The following ERMP1 variants were observed in gnomAD, a reference collection of about 807,000 sequenced individuals.
The protein encoded by ERMP1 is endoplasmic reticulum metallopeptidase 1, also known as Felix-ina.
ERMP1 carries 86 observed loss-of-function variants against 92.0 expected under a neutral mutation model. The observed-to-expected ratio is 0.93, with a 90% CI of 0.79 to 1.12. The LOEUF is 1.12. ERMP1 is among the 50% of genes most tolerant of loss of function. The pLI, the probability that ERMP1 is intolerant of heterozygous loss-of-function variation, is 0.00. For synonymous variants in ERMP1, 530 were observed against 412.8 expected, an observed-to-expected ratio of 1.28 and a Z score of -3.44; for missense variants, 1,342 against 1,116.3, an observed-to-expected ratio of 1.20 and a Z score of -2.88.
At chr9:5,800,540 G>C (rs1480903058) in intron 11 of ERMP1, among the ~76,000 whole-genome samples, 3 of 152,260 alleles carry the variant, frequency 2.0e-5, no homozygotes, top group Admixed American at 6.5e-5. Flanking sequence ...GCCAGGCGTG[G>C]TGGCGAGCGC....
At chr9:5,833,165 C>CTCTGCA, upstream of ERMP1, 1 of 778,680 alleles carries the variant, frequency 1.3e-6, no homozygotes, top group Non-Finnish European at 1.9e-6. Context: ...CTGATTGGCC[C>CTCTGCA]GTCCCGCCGC....
chr9:5,814,397 G>A (rs1476629828), intron 4 of ERMP1, among the ~76,000 whole-genome samples: 1 of 152,136 alleles, frequency 6.6e-6, no homozygotes, highest in Non-Finnish European at 1.5e-5. Flanking sequence ...GGGAATCTAA[G>A]AATATTGTTT....
In ERMP1 at chr9:5,812,918, C is replaced by A. The variant is rs771593182; in HGVS notation, c.992G>T (p.Arg331Leu). The A allele has an allele frequency of 1.9e-6, 3 of 1,613,908 alleles. No individual in the cohort carries two copies. Among genetic ancestry groups the A allele is most frequent in the Admixed American group, 3.3e-5 (2 of 60,016 alleles). ...AATGTTCCCAAAATCCCTGTAGATA[C>A]GAAAGTCAGTATCTGAAGGAATGAT... The part of the protein sequence containing the change: ...SGIIPSDTDF[R>L]IYRDFGNIPG... The change falls in exon 5 of 15, where the codon CGT (arginine) becomes CTT (leucine). Residue 331 changes from arginine (R) to leucine (L), a missense_variant. Arg to Leu is a moderately radical substitution (Grantham distance 102). Transcript: ENST00000339450.
At chr9:5,835,364 G>T (rs537914771), upstream of ERMP1, among the ~76,000 whole-genome samples, 3 of 152,104 alleles carry the variant, frequency 2.0e-5, no homozygotes, top group East Asian at 5.8e-4. Context: ...GCGCGCGCAT[G>T]TGTGTGTGTG....
chr9:5,825,884 TA>T (rs1169255997), intron 2 of ERMP1, among the ~76,000 whole-genome samples: 1 of 152,216 alleles, frequency 6.6e-6, no homozygotes, highest in African/African-American at 2.4e-5. Context: ...GTATGTTAAT[TA>T]AAAGTAACTA....
chr9:5,805,736 A>G lies in ERMP1; in HGVS notation c.1598T>C (p.Phe533Ser). The G allele has an allele frequency of 6.2e-7, 1 of 1,611,962 alleles. No individual in the cohort carries two copies. Among genetic ancestry groups the G allele is most frequent in the Non-Finnish European group, 8.5e-7 (1 of 1,179,356 alleles). The change falls in exon 9 of 15, where the codon TTT (phenylalanine) becomes TCT (serine). Residue 533 changes from phenylalanine to serine, a missense_variant. Transcript: ENST00000339450. ...LGEVFFDISL[F>S]VHCCFLVTLT... ...GGTAACAAGAAAACAGCAATGGACA[A>G]ACAGCGAAATGTCAAAAAATACTTC...
chr9:5,857,385 G>A (rs763746220), intron 6 of ERMP1, among the ~76,000 whole-genome samples: 2 of 152,172 alleles, frequency 1.3e-5, no homozygotes, highest in Admixed American at 1.3e-4. Context: ...TGTTTGCCTC[G>A]GCTGGGCACG....
intron 10 of ERMP1, among the ~76,000 whole-genome samples, chr9:5,803,849 C>G (rs754569620): frequency 2.6e-5 from 4 of 152,026 alleles, no homozygotes; most frequent in Non-Finnish European, 5.9e-5. Flanking sequence ...AATAATTATC[C>G]TATAAGTAAA....
chr9:5,823,020 C>G (rs1334597097), intron 4 of ERMP1, among the ~76,000 whole-genome samples: 1 of 152,190 alleles, frequency 6.6e-6, no homozygotes, highest in Non-Finnish European at 1.5e-5. Context: ...CATGGTGGTT[C>G]ATGCTTGTAA....
chr9:5,801,288 A>G lies in ERMP1; in HGVS notation c.1955T>C (p.Met652Thr), dbSNP rs756970090. 6.8e-6 allele frequency: 11 copies of G among 1,613,430 alleles called. No homozygotes were observed. The highest frequency in any genetic ancestry group is 9.3e-6 in the Non-Finnish European group (11 of 1,179,772). The change falls in exon 11 of 15, where the codon ATG (methionine) becomes ACG (threonine). Residue 652 changes from methionine (M) to threonine (T), a missense_variant. Transcript: ENST00000339450. ...IYLAKSTKKT[M>T]LTLTLVCAIT... ...TGCACATACCAAAGTTAAAGTTAGC[A>G]TGGTTTTTTTTGTGCTCTTGGCAAG...
intron 13 of ERMP1, among the ~76,000 whole-genome samples, chr9:5,794,083 C>T (rs1181039215): frequency 6.6e-6 from 1 of 152,036 alleles, no homozygotes; most frequent in Admixed American, 6.5e-5. Context: ...AGAATTCATA[C>T]AAAGTATGCT....
upstream of ERMP1, among the ~76,000 whole-genome samples, chr9:5,837,724 C>A (rs368292353): frequency 1.3e-5 from 2 of 152,278 alleles, no homozygotes; most frequent in East Asian, 3.9e-4. Flanking sequence ...AAAATATCAA[C>A]GCCTCAATAG....
At chr9:5,842,434 CA>C (rs57411750) in intron 6 of ERMP1, among the ~76,000 whole-genome samples, 61,781 of 107,580 alleles carry the variant, frequency 0.57, 14,372 homozygotes, top group South Asian at 0.63. Context: ...GAGACTGTCT[CA>C]AAAAAAAAAA....
At chr9:5,860,532 AATGGCAAGTGACAT>A (rs1476525050) in intron 5 of ERMP1, among the ~76,000 whole-genome samples, 2 of 152,116 alleles carry the variant, frequency 1.3e-5, no homozygotes, top group Non-Finnish European at 2.9e-5. Flanking sequence ...TAACGTAACC[AATGGCAAGTGACAT>A]ACTACATGTT....
chr9:5,798,463 G>A (rs970625506), intron 12 of ERMP1, among the ~76,000 whole-genome samples: 4 of 151,934 alleles, frequency 2.6e-5, no homozygotes, highest in African/African-American at 4.8e-5. Flanking sequence ...TGATCCACCC[G>A]CCTCGGCCTC....
At chr9:5,865,316 A>C (rs1404376468) in intron 5 of ERMP1, among the ~76,000 whole-genome samples, 1 of 150,510 alleles carries the variant, frequency 6.6e-6, no homozygotes, top group Non-Finnish European at 1.5e-5. Flanking sequence ...ACCATCCTGG[A>C]TTAACACGGT....
intron 4 of ERMP1, among the ~76,000 whole-genome samples, chr9:5,818,305 CA>C (rs1240809158): frequency 6.6e-6 from 1 of 151,944 alleles, no homozygotes; most frequent in African/African-American, 2.4e-5. Context: ...GGTATGTCTG[CA>C]TGCAAATGGA....
chr9:5,802,039 C>T (rs547697779), intron 10 of ERMP1, among the ~76,000 whole-genome samples: 5 of 152,314 alleles, frequency 3.3e-5, no homozygotes, highest in African/African-American at 9.6e-5. Flanking sequence ...AGATCCCTTA[C>T]AGGGTCTGAA....
At chr9:5,825,741 T>A (rs910246787) in intron 2 of ERMP1, among the ~76,000 whole-genome samples, 2 of 152,100 alleles carry the variant, frequency 1.3e-5, no homozygotes, top group Non-Finnish European at 2.9e-5. Context: ...GGGGATTATG[T>A]GATGGAAAAC....
Sources: gnomAD v4.1 joint callset for allele counts (sites outside exome capture counted in the v4.1 genomes callset) on GRCh38, gnomAD v4.1.1 for gene constraint, MANE v1.5 for transcripts, NCBI Gene and HGNC (gene_info 2026-07-23, HGNC 2026-07-21) for gene names.